The following SYN3 variants were observed in gnomAD, a reference collection of about 807,000 sequenced individuals.
SYN3 encodes the protein synapsin-3.
SYN3 carries 35 observed loss-of-function variants against 65.8 expected under a neutral mutation model. That is an observed-to-expected ratio of 0.53 (90% CI 0.41 to 0.70). SYN3 has a LOEUF of 0.70. Ranked by LOEUF, SYN3 falls within the 30% of genes least tolerant of loss-of-function variation. SYN3 has a pLI of 0.00. For synonymous variants in SYN3, 270 were observed against 292.9 expected (o/e 0.92, Z 0.80); for missense variants, 680 against 749.0 (o/e 0.91, Z 1.08).
intron 3 of SYN3, among the ~76,000 whole-genome samples, chr22:32,938,772 C>CA (rs1487966724): frequency 6.6e-6 from 1 of 151,746 alleles, no homozygotes; most frequent in Non-Finnish European, 1.5e-5. Context: ...ACTAAAAAGA[C>CA]AAAAAATCAA....
At chr22:32,674,134 A>T (rs2060409327) in intron 6 of SYN3, among the ~76,000 whole-genome samples, 1 of 152,048 alleles carries the variant, frequency 6.6e-6, no homozygotes, top group Non-Finnish European at 1.5e-5. Context: ...TGGGTAGAGT[A>T]GGAGAGGGAG....
intron 4 of SYN3, among the ~76,000 whole-genome samples, chr22:32,895,043 C>A (rs2016156): frequency 0.02 from 3,025 of 152,264 alleles, 98 homozygotes; most frequent in African/African-American, 0.068. Context: ...TACATCTCAG[C>A]TGATATGAGT....
chr22:32,866,220 G>C (rs1278367465), intron 5 of SYN3, among the ~76,000 whole-genome samples: 1 of 152,190 alleles, frequency 6.6e-6, no homozygotes, highest in South Asian at 2.1e-4. Flanking sequence ...TGGCCAACCT[G>C]ACTTGGAGGT....
intron 6 of SYN3, among the ~76,000 whole-genome samples, chr22:32,614,459 A>G (rs1474631341): frequency 6.6e-6 from 1 of 152,148 alleles, no homozygotes; most frequent in East Asian, 1.9e-4. Flanking sequence ...CTTGAGGGTT[A>G]TTGCAGCTGC....
At chr22:32,519,933 G>A (rs990245451) in intron 12 of SYN3, among the ~76,000 whole-genome samples, 2 of 152,070 alleles carry the variant, frequency 1.3e-5, no homozygotes, top group East Asian at 3.9e-4. Context: ...CACCTATTAT[G>A]TCACCAGCTT....
At chr22:32,605,470 C>T (rs2059359802) in intron 6 of SYN3, among the ~76,000 whole-genome samples, 1 of 152,138 alleles carries the variant, frequency 6.6e-6, no homozygotes, top group African/African-American at 2.4e-5. Context: ...ATCTCTTGAG[C>T]CCTTAGTGTG....
intron 6 of SYN3, among the ~76,000 whole-genome samples, chr22:32,644,124 G>T (rs2059949714): frequency 6.9e-6 from 1 of 145,424 alleles, no homozygotes; most frequent in Admixed American, 7.0e-5. Flanking sequence ...GACTGATGAT[G>T]GGAGAAAGGA....
At chr22:33,029,197 CG>C (rs1294300270) in intron 1 of SYN3, among the ~76,000 whole-genome samples, 43 of 146,970 alleles carry the variant, frequency 2.9e-4, no homozygotes, top group African/African-American at 9.8e-4. Flanking sequence ...TTTTAAGAGA[CG>C]GGGTCTCACT....
chr22:32,806,308 T>C (rs983950025), intron 6 of SYN3, among the ~76,000 whole-genome samples: 3 of 152,146 alleles, frequency 2.0e-5, no homozygotes, highest in Admixed American at 2.0e-4. Flanking sequence ...CAGAAGTAGC[T>C]TGGGTGGAGG....
At chr22:32,736,982 C>T (rs2061343595) in intron 6 of SYN3, among the ~76,000 whole-genome samples, 1 of 152,106 alleles carries the variant, frequency 6.6e-6, no homozygotes, top group Non-Finnish European at 1.5e-5. Flanking sequence ...CCTCTCTGAA[C>T]ATAAATCAAT....
intron 6 of SYN3, among the ~76,000 whole-genome samples, chr22:32,656,847 T>G (rs1013267523): frequency 2.6e-5 from 4 of 152,138 alleles, no homozygotes; most frequent in East Asian, 1.9e-4. Context: ...AGAAGAAAGC[T>G]TTTCACTGCA....
At chr22:32,661,845 C>T (rs1437412673) in intron 6 of SYN3, among the ~76,000 whole-genome samples, 4 of 152,234 alleles carry the variant, frequency 2.6e-5, no homozygotes, top group South Asian at 2.1e-4. Flanking sequence ...CAAGAGGGGA[C>T]GTAAGTGGCT....
intron 2 of SYN3, among the ~76,000 whole-genome samples, chr22:32,997,461 C>G (rs537235900): frequency 6.6e-6 from 1 of 152,152 alleles, no homozygotes; most frequent in Admixed American, 6.5e-5. Flanking sequence ...ATTCCTTTTA[C>G]GACATGAGTC....
At chr22:32,579,648 G>A (rs2058907033) in intron 7 of SYN3, among the ~76,000 whole-genome samples, 2 of 152,140 alleles carry the variant, frequency 1.3e-5, no homozygotes. Flanking sequence ...AAAAGCCTTT[G>A]CCCCTCCTCC....
chr22:32,738,244 G>A (rs544754903), intron 6 of SYN3, among the ~76,000 whole-genome samples: 2 of 152,200 alleles, frequency 1.3e-5, no homozygotes, highest in East Asian at 3.9e-4. Flanking sequence ...ACTCTCTCTG[G>A]GAGGCAGGAT....
chr22:32,749,504 G>T (rs1476127016), intron 6 of SYN3, among the ~76,000 whole-genome samples: 3 of 152,034 alleles, frequency 2.0e-5, no homozygotes, highest in African/African-American at 7.2e-5. Context: ...AGCCGGGCAC[G>T]ATGATGGGTG....
intron 3 of SYN3, among the ~76,000 whole-genome samples, chr22:32,941,579 T>G (rs2050939881): frequency 6.6e-6 from 1 of 150,588 alleles, no homozygotes; most frequent in Non-Finnish European, 1.5e-5. Context: ...TTCATCTCAC[T>G]GGGGTGTGTC....
intron 4 of SYN3, among the ~76,000 whole-genome samples, chr22:32,895,208 T>C (rs948959677): frequency 6.6e-6 from 1 of 152,160 alleles, no homozygotes; most frequent in Non-Finnish European, 1.5e-5. Context: ...AATGAGTAAT[T>C]AATAATTTTT....
intron 4 of SYN3, among the ~76,000 whole-genome samples, chr22:32,924,127 G>A (rs960388784): frequency 1.3e-5 from 2 of 152,158 alleles, no homozygotes; most frequent in Non-Finnish European, 2.9e-5. Flanking sequence ...TTGCTATTGT[G>A]ACTAGTGCTG....
Sources: gnomAD v4.1 joint callset for allele counts (sites outside exome capture counted in the v4.1 genomes callset) on GRCh38, gnomAD v4.1.1 for gene constraint, MANE v1.5 for transcripts, NCBI Gene and HGNC (gene_info 2026-07-23, HGNC 2026-07-21) for gene names.